The following ADK variants were observed in gnomAD, a reference collection of about 807,000 sequenced individuals.
ADK encodes the protein N6,N6-dimethyladenosine kinase.
ADK carries 24 observed loss-of-function variants against 44.7 expected under a neutral mutation model. The ratio of observed to expected loss-of-function variants is 0.54; its 90% CI spans 0.39 to 0.76. The LOEUF (loss-of-function observed/expected upper bound fraction) is 0.76. ADK is among the 30% of genes least tolerant of loss of function. ADK has a pLI of 0.00. For missense variants in ADK, 321 were observed against 425.1 expected (o/e 0.76, Z 2.15); for synonymous variants, 128 against 142.6 (o/e 0.90, Z 0.73).
intron 7 of ADK, among the ~76,000 whole-genome samples, chr10:74,557,040 A>G (rs947281499): frequency 5.3e-5 from 8 of 152,330 alleles, no homozygotes; most frequent in Admixed American, 1.3e-4. Context: ...AGCAAAATAA[A>G]TTTCAATGTG....
intron 3 of ADK, among the ~76,000 whole-genome samples, chr10:74,252,393 A>G (rs1279771807): frequency 6.6e-6 from 1 of 152,182 alleles, no homozygotes; most frequent in Non-Finnish European, 1.5e-5. Flanking sequence ...TTTCTTTTAA[A>G]CGATACTTAT....
chr10:74,372,906 CA>C (rs1325049272), intron 4 of ADK, among the ~76,000 whole-genome samples: 1 of 152,060 alleles, frequency 6.6e-6, no homozygotes, highest in East Asian at 1.9e-4. Flanking sequence ...TGAAAAAGAC[CA>C]AAATTGTGTT....
chr10:74,542,168 G>T (rs1002750757), intron 7 of ADK, among the ~76,000 whole-genome samples: 4 of 152,168 alleles, frequency 2.6e-5, no homozygotes, highest in Non-Finnish European at 5.9e-5. Flanking sequence ...TTGAGCCCAG[G>T]AGGTCACATG....
At chr10:74,576,734 A>G (rs993991883) in intron 7 of ADK, among the ~76,000 whole-genome samples, 13 of 152,278 alleles carry the variant, frequency 8.5e-5, no homozygotes, top group Non-Finnish European at 1.5e-4. Context: ...TCGGTACAAC[A>G]GAAATGCCAC....
At chr10:74,444,072 A>G (rs1845514076) in intron 6 of ADK, among the ~76,000 whole-genome samples, 1 of 152,080 alleles carries the variant, frequency 6.6e-6, no homozygotes, top group Non-Finnish European at 1.5e-5. Context: ...CCTCCATTTC[A>G]GGTATATGCA....
intron 3 of ADK, among the ~76,000 whole-genome samples, chr10:74,248,084 C>A (rs566903360): frequency 3.9e-5 from 6 of 152,048 alleles, no homozygotes; most frequent in African/African-American, 1.4e-4. Context: ...AAAGAAACTG[C>A]GTAATTTTAA....
At chr10:74,341,256 A>G (rs1278750239) in intron 4 of ADK, among the ~76,000 whole-genome samples, 2 of 151,806 alleles carry the variant, frequency 1.3e-5, no homozygotes, top group Non-Finnish European at 2.9e-5. Context: ...GCGGTGGCTT[A>G]CTCCTGTTAA....
intron 7 of ADK, among the ~76,000 whole-genome samples, chr10:74,576,034 T>TA (rs1851172513): frequency 1.3e-5 from 2 of 152,186 alleles, no homozygotes; most frequent in South Asian, 2.1e-4. Context: ...CAGGATATCT[T>TA]ACAATGTTAA....
At chr10:74,451,129 A>G (rs965999023) in intron 6 of ADK, among the ~76,000 whole-genome samples, 22 of 149,710 alleles carry the variant, frequency 1.5e-4, no homozygotes, top group African/African-American at 5.4e-4. Flanking sequence ...TCTATGAAAA[A>G]AATAAAACAA....
chr10:74,200,514 C>T (rs903829466), intron 1 of ADK, among the ~76,000 whole-genome samples: 2 of 150,762 alleles, frequency 1.3e-5, no homozygotes, highest in African/African-American at 4.9e-5. Context: ...TAGGTATTCT[C>T]ATTGGTGTGA....
intron 9 of ADK, among the ~76,000 whole-genome samples, chr10:74,605,518 T>G (rs909021731): frequency 7.2e-5 from 11 of 152,238 alleles, no homozygotes; most frequent in Non-Finnish European, 1.6e-4. Flanking sequence ...GCTTTTGTTA[T>G]TGGTTCTGTT....
chr10:74,380,900 C>T (rs1008702284), intron 4 of ADK, among the ~76,000 whole-genome samples: 4 of 151,998 alleles, frequency 2.6e-5, no homozygotes, highest in Admixed American at 6.6e-5. Flanking sequence ...AAAGTTGTCC[C>T]GCACCCTCAC....
At chr10:74,205,562 G>C (rs779430185) in intron 2 of ADK, among the ~76,000 whole-genome samples, 1 of 151,032 alleles carries the variant, frequency 6.6e-6, no homozygotes, top group Non-Finnish European at 1.5e-5. Flanking sequence ...TGTAATCCCA[G>C]ATACTCGGGA....
chr10:74,648,570 C>T (rs373452646), intron 9 of ADK, among the ~76,000 whole-genome samples: 1 of 151,124 alleles, frequency 6.6e-6, no homozygotes, highest in East Asian at 2.0e-4. Context: ...CCCTGCTACT[C>T]GGGAGGCTGA....
intron 2 of ADK, among the ~76,000 whole-genome samples, chr10:74,219,470 AG>A (rs1844203842): frequency 1.3e-5 from 2 of 152,290 alleles, no homozygotes; most frequent in South Asian, 4.1e-4. Flanking sequence ...TGAGACAGAA[AG>A]TCAACAAGGA....
intron 2 of ADK, among the ~76,000 whole-genome samples, chr10:74,215,288 A>T (rs552733791): frequency 6.6e-6 from 1 of 152,228 alleles, no homozygotes; most frequent in Non-Finnish European, 1.5e-5. Flanking sequence ...GCATCATTCT[A>T]TGAAAGCCAT....
intron 4 of ADK, among the ~76,000 whole-genome samples, chr10:74,382,608 G>A (rs977374902): frequency 3.9e-5 from 6 of 151,900 alleles, no homozygotes; most frequent in Admixed American, 2.0e-4. Context: ...ATGCTATTTT[G>A]TAATCCATTT....
intron 7 of ADK, among the ~76,000 whole-genome samples, chr10:74,572,914 T>G (rs1364637896): frequency 1.3e-5 from 2 of 152,202 alleles, no homozygotes; most frequent in Non-Finnish European, 2.9e-5. Flanking sequence ...CTAAATTTTT[T>G]TCAAAGTTTT....
chr10:74,347,106 CAAAAAAAAAAA>C (rs58074760), intron 4 of ADK, among the ~76,000 whole-genome samples: 48 of 92,280 alleles, frequency 5.2e-4, no homozygotes, highest in Admixed American at 1.4e-3. Flanking sequence ...CACTCTGTCT[CAAAAAAAAAAA>C]AAAAAAAAAA....
Sources: gnomAD v4.1 joint callset for allele counts (sites outside exome capture counted in the v4.1 genomes callset) on GRCh38, gnomAD v4.1.1 for gene constraint, MANE v1.5 for transcripts, NCBI Gene and HGNC (gene_info 2026-07-23, HGNC 2026-07-21) for gene names.